The following ERBB4 variants were observed in gnomAD, a reference collection of about 807,000 sequenced individuals.
The protein encoded by ERBB4 is receptor tyrosine-protein kinase erbB-4.
In ERBB4, 42 loss-of-function variants were observed where a neutral mutation model predicts 158.0. That is an observed-to-expected ratio of 0.27 (90% CI 0.21 to 0.34). The LOEUF (loss-of-function observed/expected upper bound fraction) is 0.34. Among genes scored for constraint, ERBB4 ranks in the 10% least tolerant of loss-of-function variants. The pLI is 1.00. For synonymous variants in ERBB4, 583 were observed against 558.7 expected (o/e 1.04, Z -0.61); for missense variants, 1,333 against 1,624.1 (o/e 0.82, Z 3.08).
chr2:212,321,390 C>T, intron 1 of ERBB4, among the ~76,000 whole-genome samples: 1 of 150,422 alleles, frequency 6.6e-6, no homozygotes, highest in Non-Finnish European at 1.5e-5. Flanking sequence ...TAATTTAAGA[C>T]ACTGAACTGT....
At chr2:212,093,530 A>G (rs2078840318) in intron 2 of ERBB4, among the ~76,000 whole-genome samples, 1 of 152,220 alleles carries the variant, frequency 6.6e-6, no homozygotes, top group Non-Finnish European at 1.5e-5. Flanking sequence ...AATGATGAGG[A>G]GGATAACAGC....
chr2:212,054,381 T>A (rs938702139), intron 2 of ERBB4, among the ~76,000 whole-genome samples: 1 of 152,116 alleles, frequency 6.6e-6, no homozygotes, highest in Non-Finnish European at 1.5e-5. Context: ...TCTGGGACCA[T>A]TTTAAGTTCT....
intron 1 of ERBB4, among the ~76,000 whole-genome samples, chr2:212,527,655 G>C (rs1692521418): frequency 6.6e-6 from 1 of 151,704 alleles, no homozygotes; most frequent in Admixed American, 6.6e-5. Flanking sequence ...TTTTAAACAG[G>C]TTCCCCAAGT....
chr2:211,422,008 T>C lies in ERBB4; in HGVS notation c.2963A>G (p.Gln988Arg). 6.3e-7 allele frequency: 1 copy of C among 1,598,290 alleles called. No individual in the cohort carries two copies. Among genetic ancestry groups the C allele is most frequent in the Non-Finnish European group, 8.6e-7 (1 of 1,165,824 alleles). The change falls in exon 24 of 28, where the codon CAG becomes CGG. Residue 988 changes from glutamine (Q) to arginine (R), a missense_variant and splice_region_variant. Around this residue, in one of 5 missense-constraint regions of ERBB4, gnomAD observed 314 missense variants for 437.6 expected, o/e 0.72. Transcript: ENST00000342788. ...ARDPQRYLVI[Q>R]GDDRMKLPSP... ...AAGGCATAAGTCAAATGTACTCACCTGAATAACTAGGTATCTTTGAGGGTC... is the reference window on the plus strand; with the variant it reads ...AAGGCATAAGTCAAATGTACTCACCCGAATAACTAGGTATCTTTGAGGGTC...
At chr2:212,263,972 AGCTCCTATATT>A (rs1322602666) in intron 1 of ERBB4, among the ~76,000 whole-genome samples, 2 of 152,086 alleles carry the variant, frequency 1.3e-5, no homozygotes, top group African/African-American at 4.8e-5. Context: ...CTAAATGGTA[AGCTCCTATATT>A]GCTGTGGTCA....
At chr2:211,477,587 T>C (rs2064986525) in intron 20 of ERBB4, among the ~76,000 whole-genome samples, 1 of 152,120 alleles carries the variant, frequency 6.6e-6, no homozygotes, top group Admixed American at 6.6e-5. Flanking sequence ...GTGAAGTGTA[T>C]TCGCTCTATG....
At chr2:211,496,950 A>G (rs145592025) in intron 20 of ERBB4, among the ~76,000 whole-genome samples, 14 of 152,012 alleles carry the variant, frequency 9.2e-5, no homozygotes, top group African/African-American at 1.9e-4. Flanking sequence ...CTTTTTTCCT[A>G]TATGTTTATG....
intron 14 of ERBB4, among the ~76,000 whole-genome samples, chr2:211,665,930 C>T (rs546371151): frequency 2.0e-5 from 3 of 152,186 alleles, no homozygotes; most frequent in East Asian, 1.9e-4. Flanking sequence ...ATTTCATCAC[C>T]ACCACTGGGA....
rs542117791 is a variant in ERBB4 at position 212,064,673 on chromosome 2, C to T, written c.234+60079G>A. Among the ~76,000 whole-genome samples the T allele has an allele frequency of 5.3e-5, 8 of 152,110 alleles. No individual in the cohort carries two copies. The East Asian group carries it at 1.2e-3, about 22-fold the overall frequency. ...TAAATGGGTGGGCAAGCAGTGTTTA[C>T]TTTCGCAAACTAGAGAACAAAAGAA... On this transcript the variant is annotated intron_variant, in intron 2 of 27. Coordinates refer to ENST00000342788, the MANE Select transcript of ERBB4 (RefSeq NM_005235.3).
intron 2 of ERBB4, among the ~76,000 whole-genome samples, chr2:212,023,866 G>C (rs1462661745): frequency 6.6e-6 from 1 of 151,336 alleles, no homozygotes; most frequent in Non-Finnish European, 1.5e-5. Flanking sequence ...ATGTGTCTGT[G>C]ATGATTTTTA....
chr2:211,889,199 T>C (rs2078895013), intron 3 of ERBB4, among the ~76,000 whole-genome samples: 1 of 144,034 alleles, frequency 6.9e-6, no homozygotes, highest in Non-Finnish European at 1.5e-5. Flanking sequence ...CAGCTGGAGA[T>C]CTGAGAACCC....
At chr2:211,625,653 T>C (rs2069814919) in intron 17 of ERBB4, among the ~76,000 whole-genome samples, 1 of 152,222 alleles carries the variant, frequency 6.6e-6, no homozygotes, top group Non-Finnish European at 1.5e-5. Context: ...TCAAAATGAT[T>C]GCTCAACTGA....
chr2:211,537,566 C>T (rs1179977452), intron 20 of ERBB4, among the ~76,000 whole-genome samples: 1 of 151,888 alleles, frequency 6.6e-6, no homozygotes, highest in Non-Finnish European at 1.5e-5. Flanking sequence ...TTTCTAGGTA[C>T]TTTTATGTTA....
intron 24 of ERBB4, among the ~76,000 whole-genome samples, chr2:211,420,927 G>A (rs1261453882): frequency 1.3e-5 from 2 of 151,984 alleles, no homozygotes; most frequent in Non-Finnish European, 2.9e-5. Flanking sequence ...TCATTGCCCA[G>A]ATAGTGTATG....
chr2:211,766,903 T>G, intron 4 of ERBB4, among the ~76,000 whole-genome samples: 1 of 152,190 alleles, frequency 6.6e-6, no homozygotes, highest in East Asian at 1.9e-4. Context: ...AGACTGGTCA[T>G]GTCGGCCTTG....
intron 1 of ERBB4, among the ~76,000 whole-genome samples, chr2:212,221,239 C>A (rs544693542): frequency 4.0e-5 from 6 of 151,660 alleles, no homozygotes; most frequent in African/African-American, 1.4e-4. Context: ...CTGCTAGAAT[C>A]AATATGAATG....
chr2:211,430,757 G>A (rs1396424662), intron 21 of ERBB4, among the ~76,000 whole-genome samples, 188 bp downstream of exon 21: 1 of 151,598 alleles, frequency 6.6e-6, no homozygotes, highest in East Asian at 1.9e-4. Flanking sequence ...ATATATATGT[G>A]TGTGTATATG....
chr2:212,088,135 C>T (rs941987575), intron 2 of ERBB4, among the ~76,000 whole-genome samples: 5 of 152,120 alleles, frequency 3.3e-5, no homozygotes, highest in Admixed American at 2.0e-4. Context: ...AAAAGGCTAT[C>T]AAGGAGACTA....
At chr2:211,625,632 T>G (rs932704899) in intron 17 of ERBB4, among the ~76,000 whole-genome samples, 2 of 152,216 alleles carry the variant, frequency 1.3e-5, no homozygotes, top group African/African-American at 4.8e-5. Flanking sequence ...CACTAAATTA[T>G]TTGTTAAATT....
Sources: gnomAD v4.1 joint callset for allele counts (sites outside exome capture counted in the v4.1 genomes callset) on GRCh38, gnomAD v4.1.1 for gene constraint, gnomAD v4.1.1 regional missense constraint, MANE v1.5 for transcripts, NCBI Gene and HGNC (gene_info 2026-07-23, HGNC 2026-07-21) for gene names.